The following TLE1 variants were observed in gnomAD, a reference collection of about 807,000 sequenced individuals.
TLE1 encodes TLE family member 1, transcriptional corepressor.
Under a neutral mutation model 89.8 loss-of-function variants are expected in TLE1, and 21 were observed. The observed-to-expected ratio is 0.23, with a 90% CI of 0.17 to 0.34. The LOEUF (loss-of-function observed/expected upper bound fraction) is 0.34. TLE1 is among the 10% of genes least tolerant of loss of function. The probability of loss-of-function intolerance (pLI) is 1.00; values close to 1 mark genes in which losing one functional copy is unlikely to be tolerated. For synonymous variants in TLE1, 447 were observed against 407.6 expected, an observed-to-expected ratio of 1.10 and a Z score of -1.16; for missense variants, 795 against 1,031.2, an observed-to-expected ratio of 0.77 and a Z score of 3.14.
chr9:81,607,904 A>G (rs1457446975), intron 14 of TLE1, among the ~76,000 whole-genome samples: 4 of 152,246 alleles, frequency 2.6e-5, no homozygotes, highest in African/African-American at 4.8e-5. Context: ...ACTGATTCCT[A>G]GTGTAGACAA....
intron 6 of TLE1, among the ~76,000 whole-genome samples, chr9:81,644,875 T>G (rs975258187): frequency 4.6e-5 from 7 of 150,918 alleles, no homozygotes; most frequent in African/African-American, 1.7e-4. Context: ...GTGCCTGTAA[T>G]CCCAATTACT....
intron 1 of TLE1, 114 bp downstream of exon 1, chr9:81,688,103 C>T: frequency 1.4e-6 from 2 of 1,391,754 alleles, no homozygotes; most frequent in Non-Finnish European, 2.0e-6. Context: ...CAGCCTTACA[C>T]CGCTGAGGGC....
In TLE1 at chr9:81,632,102, G is replaced by C. The variant is rs534506409; in HGVS notation, c.594+1246C>G. ...GAAGACTCCATCTCAAAAAAAAAAA[G>C]ACTATCTATAGGAACCCTGGAATGG... On this transcript the variant is annotated intron_variant, in intron 8 of 19. Coordinates refer to ENST00000376499, the MANE Select transcript of TLE1 (RefSeq NM_005077.5). Among the ~76,000 whole-genome samples the C allele has an allele frequency of 4.0e-5, 6 of 148,480 alleles. No individual in the cohort carries two copies. The East Asian group carries it at 1.2e-3, about 31-fold the overall frequency.
At chr9:81,659,744 G>T (rs576498076) in intron 4 of TLE1, among the ~76,000 whole-genome samples, 1 of 152,078 alleles carries the variant, frequency 6.6e-6, no homozygotes, top group Non-Finnish European at 1.5e-5. Context: ...ACTGCTAGGG[G>T]TTCTATGTTA....
chr9:81,687,255 A>G (rs974570348), intron 2 of TLE1, 79 bp downstream of exon 2: 3 of 1,218,158 alleles, frequency 2.5e-6, no homozygotes, highest in East Asian at 2.5e-5. Context: ...AACTAAGTAC[A>G]GGCGCCGCCG....
intron 6 of TLE1, among the ~76,000 whole-genome samples, chr9:81,651,671 A>T (rs1275725653): frequency 1.3e-5 from 2 of 152,224 alleles, no homozygotes; most frequent in Non-Finnish European, 2.9e-5. Context: ...ATGAAATGAT[A>T]ATTCAGAGAC....
chr9:81,592,943 T>C, intron 15 of TLE1, 82 bp downstream of exon 15: 1 of 1,527,228 alleles, frequency 6.5e-7, no homozygotes, highest in Non-Finnish European at 8.8e-7. Flanking sequence ...ATAATGGGAA[T>C]AAAACCCAGG....
chr9:81,638,955 ACT>A lies in TLE1; in HGVS notation c.373-4656_373-4655del, dbSNP rs373952910. Reference sequence around the variant, plus strand: ...TGCATTTTTTTTGAAGCAAAGTCTCACTCTGTTACCCAGGCTGGAGTGCAGCA... The same window carrying A: ...TGCATTTTTTTTGAAGCAAAGTCTCACTGTTACCCAGGCTGGAGTGCAGCA... On this transcript the variant is annotated intron_variant, in intron 6 of 19. Coordinates refer to ENST00000376499, the MANE Select transcript of TLE1 (RefSeq NM_005077.5). 2.6e-3 allele frequency among the ~76,000 whole-genome samples: 385 copies of A among 150,660 alleles called. 3 individuals are homozygous for A. Among genetic ancestry groups the A allele is most frequent in the African/African-American group, 9.0e-3 (368 of 40,992 alleles).
rs976699594 is a variant in TLE1, at chr9:81,613,428, G to A, written c.1012C>T (p.Arg338Cys). The A allele has an allele frequency of 3.5e-5, 56 of 1,614,018 alleles. No individual in the cohort carries two copies. The highest frequency in any genetic ancestry group is 4.2e-5 in the Non-Finnish European group (50 of 1,179,998). ...TPGTSATPGL[R>C]PGLGKPPAID... Reference sequence around the variant, plus strand: ...GCTGGAGGCTTGCCGAGACCTGGACGGAGGCCTGGAGTGGCGCTGGTGCCC... The same window carrying A: ...GCTGGAGGCTTGCCGAGACCTGGACAGAGGCCTGGAGTGGCGCTGGTGCCC... The change falls in exon 12 of 20, where the codon CGT becomes TGT. Residue 338 changes from arginine (R) to cysteine (C), a missense_variant. Around this residue, in one of 4 missense-constraint regions of TLE1, gnomAD observed 468 missense variants for 509.1 expected, o/e 0.92. Transcript: ENST00000376499.
chr9:81,632,084 C>A (rs1826697646), intron 8 of TLE1, among the ~76,000 whole-genome samples: 1 of 150,558 alleles, frequency 6.6e-6, no homozygotes, highest in South Asian at 2.1e-4. Context: ...AGCGAAGACT[C>A]CATCTCAAAA....
At chr9:81,667,339 T>G (rs1232131541) in intron 4 of TLE1, among the ~76,000 whole-genome samples, 1 of 134,952 alleles carries the variant, frequency 7.4e-6, no homozygotes, top group East Asian at 2.1e-4. Context: ...GAAGTTGCAG[T>G]GAGCCGAGAG....
At chr9:81,591,232 A>G (rs1829445319) in intron 15 of TLE1, among the ~76,000 whole-genome samples, 180 bp from the exon 16 acceptor site, 2 of 152,188 alleles carry the variant, frequency 1.3e-5, no homozygotes. Context: ...AAAATAGTAA[A>G]CAAAACAAAT....
In TLE1 at chr9:81,675,698, G is replaced by GTTTTTTTTTTTTTTTTTTTTTTTT. The variant is rs35060460; in HGVS notation, c.234+9977_234+9978insAAAAAAAAAAAAAAAAAAAAAAAA. ...AATTTTAGCATAAGGACTCACACTA[G>GTTTTTTTTTTTTTTTTTTTTTTTT]TTTTTTTTTGTTTTTTTTTTTGAGA... is the stretch of plus-strand genomic sequence containing the variant. On this transcript the variant is annotated intron_variant, in intron 4 of 19. Transcript: ENST00000376499. 1.6e-3 allele frequency among the ~76,000 whole-genome samples: 203 copies of GTTTTTTTTTTTTTTTTTTTTTTTT among 129,598 alleles called. 39 individuals carry two copies. Among genetic ancestry groups the GTTTTTTTTTTTTTTTTTTTTTTTT allele is most frequent in the Middle Eastern group, 7.9e-3 (2 of 252 alleles). The allele number at this position is 129,598 out of a possible 152,430, so 85.0% of individuals were successfully genotyped here.
At chr9:81,677,929 T>G (rs1238553739) in intron 4 of TLE1, among the ~76,000 whole-genome samples, 1 of 152,180 alleles carries the variant, frequency 6.6e-6, no homozygotes, top group African/African-American at 2.4e-5. Flanking sequence ...TTTTCTCTAT[T>G]TGGAAGATGA....
Position 81,593,030 on chromosome 9 carries a change from A to T in TLE1, c.1576T>A (p.Cys526Ser). Residue 526 changes from cysteine (C) to serine (S), a missense_variant, in exon 15 of 20, where the codon TGT becomes AGT. This residue lies in a region of TLE1 where 214 missense variants were observed against 354.9 expected (regional missense o/e 0.60). Transcript: ENST00000376499. ...ACCAGTTCCTGTTCACTCACCAGAC[A>T]GTCGAGCTGGGAGACAGGGCTCTTA... ...GNKSPVSQLD[C>S]LNRDNYIRSC... The T allele has an allele frequency of 6.2e-7, 1 of 1,612,458 alleles. No individual in the cohort carries two copies. Among genetic ancestry groups the T allele is most frequent in the Non-Finnish European group, 8.5e-7 (1 of 1,178,608 alleles).
intron 4 of TLE1, among the ~76,000 whole-genome samples, chr9:81,675,825 C>T (rs553275656): frequency 4.0e-5 from 6 of 151,698 alleles, no homozygotes; most frequent in South Asian, 2.1e-4. Flanking sequence ...CTCAGCCTCC[C>T]GAGTAGCTGG....
intron 14 of TLE1, among the ~76,000 whole-genome samples, chr9:81,598,417 T>C (rs1830496130): frequency 6.6e-6 from 1 of 152,166 alleles, no homozygotes; most frequent in Non-Finnish European, 1.5e-5. Context: ...CCCAGGGTCC[T>C]AACCTTTCCT....
chr9:81,666,581 CCTGA>C (rs1222311055), intron 4 of TLE1, among the ~76,000 whole-genome samples: 1 of 151,872 alleles, frequency 6.6e-6, no homozygotes, highest in African/African-American at 2.4e-5. Context: ...TCAAGACCAG[CCTGA>C]CTAACATGAC....
At chr9:81,685,636 C>A (rs1440813164) in intron 4 of TLE1, 40 bp downstream of exon 4, 1 of 1,597,464 alleles carries the variant, frequency 6.3e-7, no homozygotes, top group Admixed American at 1.7e-5. Flanking sequence ...ATCATATGAA[C>A]TGATGTCTCA....
Sources: gnomAD v4.1 joint callset for allele counts (sites outside exome capture counted in the v4.1 genomes callset) on GRCh38, gnomAD v4.1.1 for gene constraint, gnomAD v4.1.1 regional missense constraint, MANE v1.5 for transcripts, NCBI Gene and HGNC (gene_info 2026-07-23, HGNC 2026-07-21) for gene names.